Variants in P2RY14 observed in about 807,000 individuals in gnomAD.
P2RY14 encodes P2Y purinoceptor 14.
In P2RY14, 2 loss-of-function variants were observed where a neutral mutation model predicts 0.9. The observed-to-expected ratio is 2.16, with a 90% CI of 0.88 to 6.79. P2RY14 has a LOEUF of 6.79. Ranked by LOEUF, P2RY14 falls within the 30% of genes most tolerant of loss-of-function variation. P2RY14 has a pLI of 0.05. For missense variants in P2RY14, 378 were observed against 400.1 expected (o/e 0.94, Z 0.47); for synonymous variants, 158 against 147.2 (o/e 1.07, Z -0.53).
chr3:151,214,104 G>T lies in P2RY14; in HGVS notation c.213C>A (p.Ser71Arg). 1 of 1,614,094 alleles carries T rather than the reference G, an allele frequency of 6.2e-7. No individual in the cohort carries two copies. The highest frequency in any genetic ancestry group is 8.5e-7 in the Non-Finnish European group (1 of 1,179,984). The change falls in exon 3 of 3, where the codon AGC (serine) becomes AGA (arginine). Residue 71 changes from serine to arginine, a missense_variant. Ser to Arg is a moderately radical substitution (Grantham distance 110). Coordinates refer to ENST00000309170, the MANE Select transcript of P2RY14 (RefSeq NM_014879.4). The stretch of plus-strand genomic sequence containing the variant: ...CAAGGATCTTGAAAGGAAAAGTCAG[G>T]CTCATCACAAAGTCAGCAATAACAA... The part of the protein sequence containing the change: ...KNIVIADFVM[S>R]LTFPFKILGD...
intron 1 of P2RY14, among the ~76,000 whole-genome samples, chr3:151,257,497 C>A (rs903842349): frequency 6.6e-6 from 1 of 152,236 alleles, no homozygotes; most frequent in South Asian, 2.1e-4. Context: ...TGCTTCAGCA[C>A]CCTCATCGTT....
intron 1 of P2RY14, among the ~76,000 whole-genome samples, chr3:151,221,127 C>T (rs1456897478): frequency 2.0e-5 from 3 of 152,072 alleles, no homozygotes; most frequent in Non-Finnish European, 4.4e-5. Context: ...TTGCCCCTAC[C>T]CTAGAGATTC....
chr3:151,224,650 CAGA>C (rs1730116588), intron 1 of P2RY14, among the ~76,000 whole-genome samples: 1 of 152,190 alleles, frequency 6.6e-6, no homozygotes, highest in Non-Finnish European at 1.5e-5. Context: ...CTTCTTCACC[CAGA>C]AGAAGGAATC....
At chr3:151,216,436 C>T (rs1229653837) in intron 2 of P2RY14, among the ~76,000 whole-genome samples, 4 of 152,190 alleles carry the variant, frequency 2.6e-5, no homozygotes, top group Non-Finnish European at 5.9e-5. Context: ...ATATGAAATA[C>T]AGTCACATTC....
chr3:151,265,974 A>G (rs1419746110), intron 1 of P2RY14, among the ~76,000 whole-genome samples: 1 of 152,170 alleles, frequency 6.6e-6, no homozygotes, highest in Non-Finnish European at 1.5e-5. Flanking sequence ...TCTGGTTCAA[A>G]GAGGCATTTA....
At chr3:151,214,768 A>G (rs1226998257) in intron 2 of P2RY14, among the ~76,000 whole-genome samples, 2 of 152,182 alleles carry the variant, frequency 1.3e-5, no homozygotes. Flanking sequence ...GGTTCCCTAT[A>G]AAACTCCAGA....
intron 1 of P2RY14, among the ~76,000 whole-genome samples, chr3:151,229,934 G>A (rs1001594359): frequency 6.6e-6 from 1 of 152,016 alleles, no homozygotes; most frequent in Non-Finnish European, 1.5e-5. Flanking sequence ...TACTTTTTAT[G>A]AGTCCTAGGC....
intron 1 of P2RY14, chr3:151,270,277 C>T (rs1740686109): frequency 6.8e-6 from 1 of 146,048 alleles, no homozygotes. Flanking sequence ...TTCTTGAGGT[C>T]TTTTTTTCTC....
chr3:151,223,401 T>G (rs187631975), intron 1 of P2RY14, among the ~76,000 whole-genome samples: 1 of 152,304 alleles, frequency 6.6e-6, no homozygotes, highest in Non-Finnish European at 1.5e-5. Flanking sequence ...ACATGTTTAT[T>G]GTAGTACTAT....
intron 1 of P2RY14, among the ~76,000 whole-genome samples, chr3:151,275,714 G>C (rs1442270722): frequency 6.6e-6 from 1 of 152,144 alleles, no homozygotes; most frequent in African/African-American, 2.4e-5. Context: ...AGAAGAACCA[G>C]AAAATTTAGT....
Position 151,271,546 on chromosome 3 carries a change from A to G in P2RY14, c.-133+6741T>C, listed in dbSNP as rs895098085. ...AAAGTGTATGTCCATAGAAAGACTTATATTAGAATATTCATAGCAACTCTT... is the reference window on the plus strand; with the variant it reads ...AAAGTGTATGTCCATAGAAAGACTTGTATTAGAATATTCATAGCAACTCTT... On this transcript the variant is annotated intron_variant, in intron 1 of 2. Coordinates refer to ENST00000309170, the MANE Select transcript of P2RY14 (RefSeq NM_014879.4). Among the ~76,000 whole-genome samples, 10 of 152,278 alleles carry G rather than the reference A, an allele frequency of 6.6e-5. No individual in the cohort carries two copies. The South Asian group carries it at 1.4e-3, about 22-fold the overall frequency.
chr3:151,219,188 G>A (rs1395526760), intron 2 of P2RY14, among the ~76,000 whole-genome samples: 1 of 152,218 alleles, frequency 6.6e-6, no homozygotes, highest in East Asian at 1.9e-4. Flanking sequence ...TTAGTGCAGT[G>A]TAATATCTTA....
intron 1 of P2RY14, among the ~76,000 whole-genome samples, chr3:151,224,242 AT>A (rs1189922426): frequency 6.6e-6 from 1 of 151,770 alleles, no homozygotes; most frequent in East Asian, 1.9e-4. Flanking sequence ...ACTTTTATAT[AT>A]TTTTTTTCCT....
chr3:151,247,248 C>G (rs1380638845), intron 1 of P2RY14, among the ~76,000 whole-genome samples: 3 of 152,060 alleles, frequency 2.0e-5, no homozygotes, highest in Non-Finnish European at 2.9e-5. Context: ...TTTGACCCAG[C>G]CATCCCATTA....
chr3:151,214,362 T>A (rs1727774098), intron 2 of P2RY14, 22 bp from the exon 3 acceptor site: 1 of 1,524,692 alleles, frequency 6.6e-7, no homozygotes, highest in African/African-American at 1.4e-5. Context: ...TGTGAACTGG[T>A]CACTCATAGG....
At chr3:151,274,146 G>A (rs1442050046) in intron 1 of P2RY14, among the ~76,000 whole-genome samples, 1 of 152,314 alleles carries the variant, frequency 6.6e-6, no homozygotes, top group South Asian at 2.1e-4. Context: ...AGGCCTCGCT[G>A]CCACAAAACC....
At position 151,250,703 on chromosome 3, in the gene P2RY14, A is replaced by G. The variant is rs150475897; in HGVS notation, c.-133+27584T>C. Among the ~76,000 whole-genome samples, 445 of 152,306 alleles carry G rather than the reference A, an allele frequency of 2.9e-3. 3 individuals are homozygous for G. Among genetic ancestry groups the G allele is most frequent in the Middle Eastern group, 0.014 (4 of 294 alleles). ...CTTGGGTAGCATCCACCTTTTGGCTATTGTGAACAATGCTGCTATGAAAGT... is the reference window on the plus strand; with the variant it reads ...CTTGGGTAGCATCCACCTTTTGGCTGTTGTGAACAATGCTGCTATGAAAGT... On this transcript the variant is annotated intron_variant, in intron 1 of 2. Transcript: ENST00000309170.
chr3:151,229,185 A>T (rs981212276), intron 1 of P2RY14, among the ~76,000 whole-genome samples: 3 of 152,160 alleles, frequency 2.0e-5, no homozygotes, highest in Admixed American at 6.5e-5. Flanking sequence ...AGTGATTCCC[A>T]TATACTCTCT....
intron 1 of P2RY14, among the ~76,000 whole-genome samples, chr3:151,273,934 C>CA (rs541569741): frequency 1.2e-4 from 19 of 152,194 alleles, no homozygotes; most frequent in Non-Finnish European, 2.6e-4. Flanking sequence ...GAGGCTAAGA[C>CA]AGAGTCTTTT....
Sources: allele counts gnomAD v4.1 joint callset (sites outside exome capture counted in the v4.1 genomes callset), GRCh38; gene constraint gnomAD v4.1.1; transcripts MANE v1.5; gene names NCBI Gene and HGNC (gene_info 2026-07-23, HGNC 2026-07-21).